EXOC6B: variants seen among roughly 807,000 people sequenced by gnomAD.
The protein encoded by EXOC6B is exocyst complex component 6B, also known as SEC15 homolog B.
In EXOC6B, 54 loss-of-function variants were observed where a neutral mutation model predicts 113.5. That is an observed-to-expected ratio of 0.48 (90% CI 0.38 to 0.60). The LOEUF (loss-of-function observed/expected upper bound fraction) is 0.60, where lower values mean the gene tolerates loss of function less well. EXOC6B is among the 20% of genes least tolerant of loss of function. EXOC6B has a pLI of 0.00. For missense variants in EXOC6B, 797 were observed against 977.5 expected (o/e 0.82, Z 2.46); for synonymous variants, 357 against 339.0 (o/e 1.05, Z -0.58).
At chr2:72,673,224 A>C (rs1676033239) in intron 6 of EXOC6B, among the ~76,000 whole-genome samples, 1 of 152,224 alleles carries the variant, frequency 6.6e-6, no homozygotes, top group Non-Finnish European at 1.5e-5. Context: ...GCCTGGGTAC[A>C]TATTAGAATC....
chr2:72,365,279 A>G (rs1309982787), intron 19 of EXOC6B, among the ~76,000 whole-genome samples: 1 of 152,126 alleles, frequency 6.6e-6, no homozygotes, highest in Non-Finnish European at 1.5e-5. Context: ...AAAAGTATTC[A>G]CTTGATTCTG....
intron 6 of EXOC6B, among the ~76,000 whole-genome samples, chr2:72,592,947 A>G (rs545290799): frequency 6.6e-6 from 1 of 152,278 alleles, no homozygotes; most frequent in Admixed American, 6.5e-5. Flanking sequence ...TAAAGGGTTC[A>G]AATTTTCAGC....
At chr2:72,669,808 T>C (rs1675667720) in intron 6 of EXOC6B, among the ~76,000 whole-genome samples, 2 of 152,234 alleles carry the variant, frequency 1.3e-5, no homozygotes, top group South Asian at 4.1e-4. Context: ...ACCTGAAATA[T>C]GTGGGATAGT....
chr2:72,456,653 G>T (rs1040873221), intron 18 of EXOC6B, among the ~76,000 whole-genome samples: 1 of 151,976 alleles, frequency 6.6e-6, no homozygotes, highest in African/African-American at 2.4e-5. Context: ...TGAGTTTATG[G>T]TCTCATCATA....
chr2:72,461,187 A>C (rs2105399705), intron 18 of EXOC6B, among the ~76,000 whole-genome samples: 1 of 121,176 alleles, frequency 8.3e-6, no homozygotes, highest in Non-Finnish European at 1.6e-5. Flanking sequence ...GAAGGGGAAC[A>C]TCACACTCTG....
intron 6 of EXOC6B, among the ~76,000 whole-genome samples, chr2:72,637,014 C>T (rs1672885187): frequency 6.6e-6 from 1 of 150,464 alleles, no homozygotes; most frequent in Non-Finnish European, 1.5e-5. Context: ...TTCATTTGAA[C>T]ATGATACCAA....
chr2:72,575,604 T>C lies in EXOC6B; in HGVS notation c.734A>G (p.Lys245Arg), dbSNP rs892188228. 2.5e-6 allele frequency: 4 copies of C among 1,610,646 alleles called. No homozygotes were observed. Among genetic ancestry groups the C allele is most frequent in the South Asian group, 1.1e-5 (1 of 90,334 alleles). The change falls in exon 7 of 22, where the codon AAA becomes AGA. Residue 245 changes from lysine (K) to arginine (R), a missense_variant. Physicochemically the swap from Lys to Arg is conservative, Grantham distance 26. Coordinates refer to ENST00000272427, the MANE Select transcript of EXOC6B (RefSeq NM_015189.3). ...LQQPRIGSKR[K>R]SKKDAYIIFD... ...GATTATATATGCATCTTTCTTAGAT[T>C]TCCTCTTGCTACCTATTCTGGGTTG...
intron 6 of EXOC6B, among the ~76,000 whole-genome samples, chr2:72,709,481 G>A (rs373649289): frequency 6.6e-6 from 1 of 152,074 alleles, no homozygotes. Flanking sequence ...AGGGGTCGAG[G>A]GTTGCTGAAA....
chr2:72,259,866 C>A (rs1460500343), intron 20 of EXOC6B, among the ~76,000 whole-genome samples: 1 of 152,012 alleles, frequency 6.6e-6, no homozygotes, highest in African/African-American at 2.4e-5. Context: ...GTCTGGGCAA[C>A]ATGGAGAAAC....
chr2:72,400,172 T>A (rs962019634), intron 18 of EXOC6B, among the ~76,000 whole-genome samples: 1 of 152,034 alleles, frequency 6.6e-6, no homozygotes, highest in South Asian at 2.1e-4. Flanking sequence ...AACAAAAATA[T>A]ACACTGTAGA....
intron 18 of EXOC6B, among the ~76,000 whole-genome samples, chr2:72,405,572 T>G (rs752667986): frequency 2.6e-5 from 4 of 152,200 alleles, no homozygotes; most frequent in Non-Finnish European, 4.4e-5. Flanking sequence ...AAAAGAATTT[T>G]CAACCAAGAA....
intron 20 of EXOC6B, among the ~76,000 whole-genome samples, chr2:72,233,824 C>A (rs942235124): frequency 6.6e-6 from 1 of 152,156 alleles, no homozygotes; most frequent in East Asian, 1.9e-4. Flanking sequence ...AAGCACCCTA[C>A]GGCAGGGTGT....
chr2:72,624,858 C>T (rs1671955831), intron 6 of EXOC6B, among the ~76,000 whole-genome samples: 1 of 151,972 alleles, frequency 6.6e-6, no homozygotes, highest in Non-Finnish European at 1.5e-5. Flanking sequence ...TTATATCAAA[C>T]CTATAAAAGA....
chr2:72,251,713 G>C (rs545925564), intron 20 of EXOC6B, among the ~76,000 whole-genome samples: 6 of 152,246 alleles, frequency 3.9e-5, no homozygotes, highest in African/African-American at 1.4e-4. Flanking sequence ...AGCATGCAAT[G>C]ACAATGATTT....
Position 72,334,937 on chromosome 2 carries a change from A to G in EXOC6B, c.2196+10T>C. ...AAAGAAAAACAAAAAACAAAAACAC[A>G]AAGACTTACTTGTCTCAAGTCGATG... On this transcript the variant is annotated intron_variant, in intron 20 of 21. Coordinates refer to ENST00000272427, the MANE Select transcript of EXOC6B (RefSeq NM_015189.3). 1.2e-6 allele frequency: 2 copies of G among 1,612,874 alleles called. No homozygotes were observed. Among genetic ancestry groups the G allele is most frequent in the Non-Finnish European group, 1.7e-6 (2 of 1,179,156 alleles).
At chr2:72,672,184 A>C (rs1387221741) in intron 6 of EXOC6B, among the ~76,000 whole-genome samples, 4 of 136,280 alleles carry the variant, frequency 2.9e-5, no homozygotes, top group Non-Finnish European at 1.6e-5. Flanking sequence ...CAGCAATTCG[A>C]CTACTGGGTA....
intron 20 of EXOC6B, among the ~76,000 whole-genome samples, chr2:72,263,836 G>A (rs1683883352): frequency 6.6e-6 from 1 of 152,164 alleles, no homozygotes; most frequent in African/African-American, 2.4e-5. Flanking sequence ...CAGTCTCACT[G>A]TTCTCAGCCA....
intron 20 of EXOC6B, among the ~76,000 whole-genome samples, chr2:72,322,256 T>C (rs909062358): frequency 6.6e-6 from 1 of 152,146 alleles, no homozygotes; most frequent in Non-Finnish European, 1.5e-5. Flanking sequence ...GAATGAACTA[T>C]TGACACCCCC....
chr2:72,364,680 G>A (rs939645319), intron 19 of EXOC6B, among the ~76,000 whole-genome samples: 1 of 152,030 alleles, frequency 6.6e-6, no homozygotes, highest in Non-Finnish European at 1.5e-5. Context: ...CATAAGATGG[G>A]TATTATTCTT....
Sources: gnomAD v4.1 joint callset for allele counts (sites outside exome capture counted in the v4.1 genomes callset) on GRCh38, gnomAD v4.1.1 for gene constraint, MANE v1.5 for transcripts, NCBI Gene and HGNC (gene_info 2026-07-23, HGNC 2026-07-21) for gene names.